Variants in PHACTR2 observed in about 807,000 individuals in gnomAD.
PHACTR2 encodes the protein chromosome 6 open reading frame 56.
In PHACTR2, 30 loss-of-function variants were observed where a neutral mutation model predicts 76.0. The ratio of observed to expected loss-of-function variants is 0.39; its 90% CI spans 0.30 to 0.54. PHACTR2 has a LOEUF of 0.54. PHACTR2 is among the 20% of genes least tolerant of loss of function. PHACTR2 has a pLI of 0.61. For synonymous variants in PHACTR2, 292 were observed against 292.5 expected (o/e 1.00, Z 0.02); for missense variants, 696 against 781.1 (o/e 0.89, Z 1.30).
In PHACTR2 at chr6:143,831,053, T is replaced by C. The variant is rs1413723469; in HGVS notation, c.*7364T>C. The C allele has an allele frequency of 2.6e-5, 4 of 152,014 alleles. No homozygotes were observed. The highest frequency in any genetic ancestry group is 4.8e-5 in the African/African-American group (2 of 41,398). 9.4% of individuals were successfully genotyped at this position (152,014 alleles called of 1,614,324 possible). On this transcript the variant is annotated 3_prime_UTR_variant, in exon 13 of 13. Coordinates refer to ENST00000440869, the MANE Select transcript of PHACTR2 (RefSeq NM_001100164.2). The surrounding 1 kb of genome is among the most constrained non-coding windows in gnomAD (Gnocchi z 5.2). The stretch of plus-strand genomic sequence containing the variant: ...CTGCTCTTAAAAGAAACTTCCAGTA[T>C]TTTTTTTAACTTGCTATCTTTTTAT...
At chr6:143,669,382 T>C (rs1470875976) in intron 1 of PHACTR2, among the ~76,000 whole-genome samples, 1 of 152,188 alleles carries the variant, frequency 6.6e-6, no homozygotes, top group East Asian at 1.9e-4. Context: ...CAGATATCTA[T>C]TAGGTCTGCT....
chr6:143,711,953 A>G (rs888409356), intron 1 of PHACTR2, 63 bp from the exon 2 acceptor site: 10 of 1,410,800 alleles, frequency 7.1e-6, no homozygotes, highest in Non-Finnish European at 1.0e-5. Flanking sequence ...GGACCAATTG[A>G]TGATGTGGTT....
chr6:143,822,457 G>C lies in PHACTR2; in HGVS notation c.1923-1217G>C, dbSNP rs905545044. 2.6e-5 allele frequency among the ~76,000 whole-genome samples: 4 copies of C among 152,130 alleles called. No individual in the cohort carries two copies. Among genetic ancestry groups the C allele is most frequent in the Non-Finnish European group, 4.4e-5 (3 of 68,036 alleles). The stretch of plus-strand genomic sequence containing the variant: ...AGGTGGGCAAATCGCTTGAGACCAG[G>C]AGTTCAAGACCAGCCTAGGTAACAT... On this transcript the variant is annotated intron_variant, in intron 12 of 12. Coordinates refer to ENST00000440869, the MANE Select transcript of PHACTR2 (RefSeq NM_001100164.2). The surrounding 1 kb of genome is among the most constrained non-coding windows in gnomAD (Gnocchi z 5.5).
In PHACTR2 at chr6:143,787,812, T is replaced by C. The variant is rs192260388; in HGVS notation, c.1708-961T>C. On this transcript the variant is annotated intron_variant, in intron 10 of 12. Transcript: ENST00000440869. This position sits in a 1 kb window ranked among gnomAD's most constrained non-coding sequence, Gnocchi z 4.6. ...AGAGGACCACTTAGATGATGGGTAGTCTGGCTGTATACAGAGTATATATAA... is the reference window on the plus strand; with the variant it reads ...AGAGGACCACTTAGATGATGGGTAGCCTGGCTGTATACAGAGTATATATAA... 9.1e-4 allele frequency among the ~76,000 whole-genome samples: 139 copies of C among 152,068 alleles called. 1 individual carries two copies. The highest frequency in any genetic ancestry group is 1.9e-3 in the Non-Finnish European group (130 of 68,010).
At chr6:143,768,829 G>A (rs1775024533) in intron 6 of PHACTR2, among the ~76,000 whole-genome samples, 1 of 152,156 alleles carries the variant, frequency 6.6e-6, no homozygotes, top group East Asian at 1.9e-4. Context: ...CCTAGAAGAG[G>A]CCATAGGGAT....
At chr6:143,645,951 G>A (rs1776653014) in intron 1 of PHACTR2, among the ~76,000 whole-genome samples, 1 of 152,014 alleles carries the variant, frequency 6.6e-6, no homozygotes, top group Non-Finnish European at 1.5e-5. Context: ...AATTTATAAA[G>A]AAATGATTGA....
chr6:143,768,413 C>G (rs1343561909), intron 6 of PHACTR2, among the ~76,000 whole-genome samples: 1 of 151,958 alleles, frequency 6.6e-6, no homozygotes, highest in African/African-American at 2.4e-5. Flanking sequence ...TCTGATGTGC[C>G]CAGGAAGTAT....
chr6:143,786,909 T>C (rs180792111), intron 10 of PHACTR2, among the ~76,000 whole-genome samples: 44 of 152,262 alleles, frequency 2.9e-4, no homozygotes, highest in Admixed American at 2.4e-3. Flanking sequence ...CCAAACCATA[T>C]CATTTTTTTT....
chr6:143,716,919 G>A (rs1486868401), intron 2 of PHACTR2, among the ~76,000 whole-genome samples: 6 of 152,094 alleles, frequency 3.9e-5, no homozygotes, highest in African/African-American at 7.2e-5. Flanking sequence ...CAGAGCACCC[G>A]TCTCCCCTCT....
At chr6:143,798,640 T>C (rs919937267) in intron 11 of PHACTR2, among the ~76,000 whole-genome samples, 1 of 152,248 alleles carries the variant, frequency 6.6e-6, no homozygotes, top group Non-Finnish European at 1.5e-5. Context: ...TCTATTGAGA[T>C]AATCATGTGG....
At chr6:143,576,490 A>G (rs901780546) in intron 1 of PHACTR2, among the ~76,000 whole-genome samples, 15 of 152,364 alleles carry the variant, frequency 9.8e-5, no homozygotes, top group African/African-American at 3.4e-4. Flanking sequence ...AATGGCTTCA[A>G]GGGAAAAGTT....
intron 2 of PHACTR2, among the ~76,000 whole-genome samples, chr6:143,725,194 CTGTCT>C (rs1379463252): frequency 2.8e-3 from 368 of 132,668 alleles, no homozygotes; most frequent in Admixed American, 4.8e-3. Context: ...CTCCTTTGTG[CTGTCT>C]TTTTTTTTTT....
In PHACTR2 at chr6:143,542,480, G is replaced by A. The variant is rs1171020407; in HGVS notation, c.217+5273G>A. 2.6e-5 allele frequency among the ~76,000 whole-genome samples: 4 copies of A among 152,184 alleles called. No homozygotes were observed. The South Asian group carries it at 8.3e-4, about 32-fold the overall frequency. On this transcript the variant is annotated intron_variant, in intron 1 of 11. Coordinates refer to the PHACTR2 transcript ENST00000367584. ...TGGGGCTGACACCAGAGAGTTGTCA[G>A]GAATTGAGGCAACCAATTCCTCTTT...
At chr6:143,798,308 T>C (rs1775872363) in intron 11 of PHACTR2, among the ~76,000 whole-genome samples, 1 of 152,238 alleles carries the variant, frequency 6.6e-6, no homozygotes, top group Non-Finnish European at 1.5e-5. Context: ...GCTGAGACGA[T>C]GGGGTTTTCC....
At chr6:143,644,345 G>C (rs1776618837) in intron 1 of PHACTR2, among the ~76,000 whole-genome samples, 1 of 151,868 alleles carries the variant, frequency 6.6e-6, no homozygotes, top group African/African-American at 2.4e-5. Context: ...GCGGGCGCTT[G>C]TAGTCCCAGC....
chr6:143,819,638 G>A lies in PHACTR2; in HGVS notation c.1923-4036G>A, dbSNP rs893749402. On this transcript the variant is annotated intron_variant, in intron 12 of 12. Transcript: ENST00000440869. This position sits in a 1 kb window ranked among gnomAD's most constrained non-coding sequence, Gnocchi z 5.0. Reference sequence around the variant, plus strand: ...TACAAAGGGTGGGGAGCCTGGAGTTGTTGTTCAAGGACAAGAGAGGAAGAG... The same window carrying A: ...TACAAAGGGTGGGGAGCCTGGAGTTATTGTTCAAGGACAAGAGAGGAAGAG... Among the ~76,000 whole-genome samples, 1 of 152,150 alleles carries A rather than the reference G, an allele frequency of 6.6e-6. No individual in the cohort carries two copies. Among genetic ancestry groups the A allele is most frequent in the African/African-American group, 2.4e-5 (1 of 41,432 alleles).
Position 143,669,602 on chromosome 6 carries a change from C to T in PHACTR2, c.14-42414C>T, listed in dbSNP as rs1160957069. 3.9e-5 allele frequency among the ~76,000 whole-genome samples: 6 copies of T among 152,218 alleles called. No homozygotes were observed. The South Asian group carries it at 1.2e-3, about 32-fold the overall frequency. ...TTAGGATAGTTAATTCTTCTTGTTGCATCGATCCCTTTACCATTATGTAAT... is the reference window on the plus strand; with the variant it reads ...TTAGGATAGTTAATTCTTCTTGTTGTATCGATCCCTTTACCATTATGTAAT... On this transcript the variant is annotated intron_variant, in intron 1 of 11. Transcript: ENST00000305766.
intron 1 of PHACTR2, among the ~76,000 whole-genome samples, chr6:143,593,277 T>C (rs1403217979): frequency 6.6e-6 from 1 of 151,666 alleles, no homozygotes; most frequent in Non-Finnish European, 1.5e-5. Flanking sequence ...CTATGCCATA[T>C]GGTAAGTGGG....
In PHACTR2 at chr6:143,543,985, A is replaced by T. The variant is rs77257956; in HGVS notation, c.217+6778A>T. Among the ~76,000 whole-genome samples, 1,828 of 152,284 alleles carry T rather than the reference A, an allele frequency of 0.012. 40 individuals are homozygous for T. The highest frequency in any genetic ancestry group is 0.042 in the African/African-American group (1,725 of 41,562). ...TGCTGAGTATTTCTAACTGAAGGAC[A>T]TTGGAAGGGCCTCAGAAGTAAAGCC... On this transcript the variant is annotated intron_variant, in intron 1 of 11. Transcript: ENST00000367584. This position sits in a 1 kb window ranked among gnomAD's most constrained non-coding sequence, Gnocchi z 4.7.
Sources: gnomAD v4.1 joint callset for allele counts (sites outside exome capture counted in the v4.1 genomes callset) on GRCh38, gnomAD v4.1.1 for gene constraint, Gnocchi (gnomAD v3.1) non-coding constraint, MANE v1.5 for transcripts, NCBI Gene and HGNC (gene_info 2026-07-23, HGNC 2026-07-21) for gene names.